MYRFL: variants seen among roughly 807,000 people sequenced by gnomAD.
MYRFL encodes the protein myelin regulatory factor-like protein.
In MYRFL, 88 loss-of-function variants were observed where a neutral mutation model predicts 109.4. The ratio of observed to expected loss-of-function variants is 0.80; its 90% CI spans 0.68 to 0.96. The LOEUF (loss-of-function observed/expected upper bound fraction) is 0.96. MYRFL is among the 40% of genes least tolerant of loss of function. The pLI, the probability that MYRFL is intolerant of heterozygous loss-of-function variation, is 0.00. For synonymous variants in MYRFL, 324 were observed against 320.9 expected (o/e 1.01, Z -0.10); for missense variants, 957 against 954.9 (o/e 1.00, Z -0.03).
At chr12:69,937,379 A>G (rs1319759191) in intron 19 of MYRFL, among the ~76,000 whole-genome samples, 1 of 152,204 alleles carries the variant, frequency 6.6e-6, no homozygotes, top group East Asian at 1.9e-4. Flanking sequence ...GGATACTGTC[A>G]TAACAACAAC....
At chr12:69,838,496 G>T (rs1374483289) in intron 1 of MYRFL, among the ~76,000 whole-genome samples, 1 of 152,096 alleles carries the variant, frequency 6.6e-6, no homozygotes, top group Non-Finnish European at 1.5e-5. Flanking sequence ...TATGAGACAT[G>T]TTCCTGTCAT....
At chr12:69,849,630 C>T (rs948902078) in intron 1 of MYRFL, among the ~76,000 whole-genome samples, 2 of 152,170 alleles carry the variant, frequency 1.3e-5, no homozygotes, top group Non-Finnish European at 2.9e-5. Context: ...CTTGTTTATG[C>T]AGGGGTAGGG....
Position 69,910,947 on chromosome 12 carries a change from T to C in MYRFL, c.1602+17T>C. On this transcript the variant is annotated intron_variant, in intron 13 of 24. Coordinates refer to ENST00000552032, the MANE Select transcript of MYRFL (RefSeq NM_182530.3). ...GTGGATAAGGTAATCACTGAAAAGA[T>C]ATCAGCTGCTATAAGCTATCAGTCT... 1 of 1,494,546 alleles carries C rather than the reference T, an allele frequency of 6.7e-7. No individual in the cohort carries two copies. Among genetic ancestry groups the C allele is most frequent in the Non-Finnish European group, 9.0e-7 (1 of 1,109,998 alleles). The allele number at this position is 1,494,546 out of a possible 1,614,324, so 92.6% of individuals were successfully genotyped here. A position where few individuals can be genotyped will look rare whatever the true frequency, so the allele number is the denominator to read the frequency against.
At chr12:69,866,761 T>C (rs1323091937) in intron 2 of MYRFL, among the ~76,000 whole-genome samples, 1 of 152,222 alleles carries the variant, frequency 6.6e-6, no homozygotes, top group Admixed American at 6.5e-5. Context: ...ATTAAAACAT[T>C]GCATTATTGG....
At chr12:69,909,682 C>T (rs1954490477) in intron 11 of MYRFL, among the ~76,000 whole-genome samples, 1 of 152,000 alleles carries the variant, frequency 6.6e-6, no homozygotes, top group African/African-American at 2.4e-5. Flanking sequence ...TTGCTGGGAC[C>T]CCGTAGTGAC....
intron 19 of MYRFL, among the ~76,000 whole-genome samples, chr12:69,950,402 C>T (rs1955945878): frequency 6.6e-6 from 1 of 152,156 alleles, no homozygotes; most frequent in Non-Finnish European, 1.5e-5. Context: ...TTCTATGAAA[C>T]AGTCCATCTC....
chr12:69,957,545 C>T (rs72648193), intron 22 of MYRFL, among the ~76,000 whole-genome samples: 19,296 of 151,950 alleles, frequency 0.13, 1,841 homozygotes, highest in East Asian at 0.48. Context: ...GGCAACATAG[C>T]GAGATCTTGT....
At chr12:69,856,466 A>T (rs953669428) in intron 2 of MYRFL, among the ~76,000 whole-genome samples, 1 of 152,110 alleles carries the variant, frequency 6.6e-6, no homozygotes, top group African/African-American at 2.4e-5. Flanking sequence ...GTTTAACTGT[A>T]AAAATATCCA....
At chr12:69,850,916 C>A (rs564657115) in intron 1 of MYRFL, among the ~76,000 whole-genome samples, 14 of 152,014 alleles carry the variant, frequency 9.2e-5, no homozygotes, top group Admixed American at 3.9e-4. Context: ...TCAACTTTTT[C>A]ATTTTGGAAT....
At chr12:69,938,502 A>C (rs1955536311) in intron 19 of MYRFL, among the ~76,000 whole-genome samples, 1 of 152,206 alleles carries the variant, frequency 6.6e-6, no homozygotes, top group African/African-American at 2.4e-5. Context: ...TGTTTCAGTC[A>C]ACAATGGACC....
chr12:69,830,483 C>A (rs1171303178), intron 1 of MYRFL, among the ~76,000 whole-genome samples: 2 of 147,816 alleles, frequency 1.4e-5, no homozygotes, highest in Non-Finnish European at 3.0e-5. Context: ...ATAGAGATAT[C>A]TATATATATA....
rs895682039 is a variant in MYRFL, at chr12:69,877,210, A to G, written c.138-1818A>G. Among the ~76,000 whole-genome samples the G allele has an allele frequency of 2.6e-5, 4 of 151,642 alleles. No homozygotes were observed. In the South Asian group the frequency reaches 8.3e-4, roughly 32 times the overall value. ...GGCTCATTTTTTGTATTTTTAGTAG[A>G]GACGGAGTTTCACCGTGTTAGGTGG... is the stretch of plus-strand genomic sequence containing the variant. On this transcript the variant is annotated intron_variant, in intron 2 of 24. Transcript: ENST00000552032.
At chr12:69,932,693 T>C in intron 16 of MYRFL, 95 bp downstream of exon 16, 1 of 920,038 alleles carries the variant, frequency 1.1e-6, no homozygotes, top group Non-Finnish European at 1.7e-6. Flanking sequence ...CCTGTTTACT[T>C]TGAAGACAAG....
At chr12:69,958,132 G>A (rs1406462790) in intron 23 of MYRFL, 117 bp from the exon 24 acceptor site, 1 of 1,185,222 alleles carries the variant, frequency 8.4e-7, no homozygotes, top group African/African-American at 1.5e-5. Context: ...CCCATCAAAA[G>A]CTGTGATCCC....
chr12:69,872,272 GT>G (rs1565984819), intron 2 of MYRFL, among the ~76,000 whole-genome samples: 1 of 152,140 alleles, frequency 6.6e-6, no homozygotes, highest in Admixed American at 6.5e-5. Context: ...TATTTCAAGT[GT>G]TTTTGCAGGC....
chr12:69,908,146 TATC>T, intron 11 of MYRFL, among the ~76,000 whole-genome samples: 1 of 152,316 alleles, frequency 6.6e-6, no homozygotes, highest in Admixed American at 6.5e-5. Context: ...CGCTTTAAGT[TATC>T]AATGTATTTA....
intron 2 of MYRFL, among the ~76,000 whole-genome samples, chr12:69,856,719 A>T (rs972229515): frequency 6.6e-6 from 1 of 151,996 alleles, no homozygotes; most frequent in Admixed American, 6.5e-5. Flanking sequence ...TGTTAATTCA[A>T]ATCTTTTGCC....
intron 19 of MYRFL, among the ~76,000 whole-genome samples, chr12:69,940,354 T>C (rs985402648): frequency 2.6e-5 from 4 of 151,038 alleles, no homozygotes; most frequent in Non-Finnish European, 4.4e-5. Flanking sequence ...AGCGGATCTC[T>C]CGGCAGAAAC....
intron 13 of MYRFL, among the ~76,000 whole-genome samples, chr12:69,911,213 A>T (rs1954557736): frequency 6.6e-6 from 1 of 152,252 alleles, no homozygotes; most frequent in Non-Finnish European, 1.5e-5. Context: ...TCCACTTAGC[A>T]TGAATGCACT....
Sources: allele counts gnomAD v4.1 joint callset (sites outside exome capture counted in the v4.1 genomes callset), GRCh38; gene constraint gnomAD v4.1.1; transcripts MANE v1.5; gene names NCBI Gene and HGNC (gene_info 2026-07-23, HGNC 2026-07-21).